Variants in RIMS2 observed in about 807,000 individuals in gnomAD.
RIMS2 encodes the protein regulating synaptic membrane exocytosis 2.
A neutral mutation model predicts 174.4 loss-of-function variants in RIMS2; 59 were observed. The ratio of observed to expected loss-of-function variants is 0.34; its 90% confidence interval spans 0.27 to 0.42. The LOEUF (loss-of-function observed/expected upper bound fraction) is 0.42, where lower values mean the gene tolerates loss of function less well. Ranked by LOEUF, RIMS2 falls within the 10% of genes least tolerant of loss-of-function variation. The pLI is 1.00. For missense variants in RIMS2, 1,620 were observed against 1,666.3 expected (o/e 0.97, Z 0.48); for synonymous variants, 606 against 572.5 (o/e 1.06, Z -0.84).
chr8:104,243,820 C>T (rs908988578), intron 19 of RIMS2, among the ~76,000 whole-genome samples: 2 of 152,208 alleles, frequency 1.3e-5, no homozygotes, highest in African/African-American at 4.8e-5. Flanking sequence ...ATCATTTGGA[C>T]TATCACCCTC....
At chr8:104,165,773 G>C (rs1442175346) in intron 19 of RIMS2, among the ~76,000 whole-genome samples, 1 of 151,740 alleles carries the variant, frequency 6.6e-6, no homozygotes, top group Non-Finnish European at 1.5e-5. Context: ...ATTTTAAATA[G>C]AATATCAGAC....
At chr8:104,065,424 G>T (rs930519585) in intron 19 of RIMS2, among the ~76,000 whole-genome samples, 1 of 151,952 alleles carries the variant, frequency 6.6e-6, no homozygotes, top group Non-Finnish European at 1.5e-5. Context: ...ATTATTACTG[G>T]ATTATTTTTC....
intron 1 of RIMS2, among the ~76,000 whole-genome samples, chr8:103,619,093 G>GAAAAAAAAAAAAAAAAAAAAAAA (rs56210078): frequency 9.3e-6 from 1 of 107,178 alleles, no homozygotes; most frequent in African/African-American, 3.2e-5. Flanking sequence ...ACTTTTTGCT[G>GAAAAAAAAAAAAAAAAAAAAAAA]AAAAAAAAAA....
intron 3 of RIMS2, among the ~76,000 whole-genome samples, chr8:103,869,630 C>T (rs560681975): frequency 2.6e-5 from 4 of 152,038 alleles, no homozygotes; most frequent in African/African-American, 4.8e-5. Flanking sequence ...ATGAGGAACA[C>T]GCTTCTAATA....
intron 19 of RIMS2, among the ~76,000 whole-genome samples, chr8:104,229,195 TATA>T (rs1370019373): frequency 6.6e-6 from 1 of 152,214 alleles, no homozygotes; most frequent in African/African-American, 2.4e-5. Context: ...ACTAGAAAGT[TATA>T]ATAACAGCAT....
At chr8:104,172,913 A>G (rs1044651471) in intron 19 of RIMS2, among the ~76,000 whole-genome samples, 4 of 152,186 alleles carry the variant, frequency 2.6e-5, no homozygotes, top group African/African-American at 9.7e-5. Context: ...CCAAACTCCA[A>G]AAGGAGTTCT....
chr8:103,676,317 T>C (rs1351920424), intron 1 of RIMS2, among the ~76,000 whole-genome samples: 2 of 152,186 alleles, frequency 1.3e-5, no homozygotes, highest in Admixed American at 6.5e-5. Context: ...AACTAAGCTA[T>C]TGTTTCTTAG....
intron 4 of RIMS2, among the ~76,000 whole-genome samples, chr8:103,907,178 C>A (rs903274598): frequency 3.3e-5 from 5 of 152,170 alleles, no homozygotes; most frequent in African/African-American, 1.2e-4. Flanking sequence ...TTCATTAAGT[C>A]TAGGGTGGCA....
chr8:103,508,000 T>C (rs1380253298), intron 1 of RIMS2, among the ~76,000 whole-genome samples: 2 of 152,088 alleles, frequency 1.3e-5, no homozygotes, highest in Non-Finnish European at 2.9e-5. Context: ...TGGTAAAAAA[T>C]ATGTCAGACT....
intron 10 of RIMS2, among the ~76,000 whole-genome samples, chr8:103,926,771 C>T (rs192651686): frequency 6.6e-6 from 1 of 151,518 alleles, no homozygotes; most frequent in East Asian, 1.9e-4. Context: ...ATTCCCAAAC[C>T]TGATTATGTT....
chr8:103,591,424 G>T (rs1343881116), intron 1 of RIMS2, among the ~76,000 whole-genome samples: 1 of 150,578 alleles, frequency 6.6e-6, no homozygotes, highest in Non-Finnish European at 1.5e-5. Context: ...GATGAAATTG[G>T]ATTTATCACT....
At chr8:103,859,213 C>A (rs911293913) in intron 3 of RIMS2, among the ~76,000 whole-genome samples, 2 of 152,086 alleles carry the variant, frequency 1.3e-5, no homozygotes, top group African/African-American at 2.4e-5. Context: ...AAGAAACTGA[C>A]AATTACCTTC....
chr8:103,835,678 C>T (rs1018558511), intron 3 of RIMS2, among the ~76,000 whole-genome samples: 4 of 152,152 alleles, frequency 2.6e-5, no homozygotes, highest in Non-Finnish European at 4.4e-5. Context: ...TGTATTGATC[C>T]TATACTTGCT....
At chr8:103,716,563 G>C (rs924855678) in intron 2 of RIMS2, among the ~76,000 whole-genome samples, 1 of 151,618 alleles carries the variant, frequency 6.6e-6, no homozygotes, top group Non-Finnish European at 1.5e-5. Flanking sequence ...TTTTAAAAAG[G>C]CTTGCCTTTT....
chr8:104,251,267 A>T (rs1000192639), intron 23 of RIMS2, 104 bp downstream of exon 29: 3 of 1,049,294 alleles, frequency 2.9e-6, no homozygotes, highest in Non-Finnish European at 4.1e-6. Context: ...TTCCTCACAA[A>T]GGAAATTCTT....
chr8:103,744,858 T>C (rs1398234449), intron 2 of RIMS2, among the ~76,000 whole-genome samples: 2 of 152,244 alleles, frequency 1.3e-5, no homozygotes, highest in East Asian at 3.8e-4. Context: ...CTACCTTTCA[T>C]GTTTCACTTC....
chr8:103,818,805 C>T (rs1389367446), intron 3 of RIMS2, among the ~76,000 whole-genome samples: 3 of 152,180 alleles, frequency 2.0e-5, no homozygotes, highest in East Asian at 3.9e-4. Flanking sequence ...AATTAAAACA[C>T]CTAAGTACAT....
intron 1 of RIMS2, among the ~76,000 whole-genome samples, chr8:103,628,579 C>T (rs544211222): frequency 1.3e-5 from 2 of 151,830 alleles, no homozygotes; most frequent in Non-Finnish European, 2.9e-5. Flanking sequence ...GTCTCGAACT[C>T]CTGACCTCAG....
At chr8:104,016,850 G>A (rs1291798991) in intron 19 of RIMS2, among the ~76,000 whole-genome samples, 1 of 151,994 alleles carries the variant, frequency 6.6e-6, no homozygotes, top group African/African-American at 2.4e-5. Context: ...GAAATTCAGA[G>A]ATGGTGAAGT....
Sources: allele counts gnomAD v4.1 joint callset (sites outside exome capture counted in the v4.1 genomes callset), GRCh38; gene constraint gnomAD v4.1.1; transcripts MANE v1.5; gene names NCBI Gene and HGNC (gene_info 2026-07-23, HGNC 2026-07-21).